The following AQP4 variants were observed in gnomAD, a reference collection of about 807,000 sequenced individuals.
AQP4 encodes the protein aquaporin-4.
Under a neutral mutation model 27.8 loss-of-function variants are expected in AQP4, and 18 were observed. The ratio of observed to expected loss-of-function variants is 0.65; its 90% CI spans 0.45 to 0.96. The LOEUF (loss-of-function observed/expected upper bound fraction) is 0.96, where lower values mean the gene tolerates loss of function less well. Among genes scored for constraint, AQP4 ranks in the 40% least tolerant of loss-of-function variants. The pLI, the probability that AQP4 is intolerant of heterozygous loss-of-function variation, is 0.00. For missense variants in AQP4, 412 were observed against 408.2 expected, an observed-to-expected ratio of 1.01 and a Z score of -0.08; for synonymous variants, 141 against 142.9, an observed-to-expected ratio of 0.99 and a Z score of 0.10.
intron 1 of AQP4, among the ~76,000 whole-genome samples, chr18:26,864,848 G>T (rs943605723): frequency 6.6e-6 from 1 of 151,966 alleles, no homozygotes; most frequent in Non-Finnish European, 1.5e-5. Flanking sequence ...GGCCAGCCCC[G>T]CTGCTCACCC....
At chr18:26,862,692 G>T (rs2054976603) in intron 1 of AQP4, 96 bp from the exon 2 acceptor site, 1 of 1,548,624 alleles carries the variant, frequency 6.5e-7, no homozygotes, top group Non-Finnish European at 8.9e-7. Context: ...GGTACTGTGG[G>T]CAGGGGCTGC....
Position 26,852,468 on chromosome 18 carries a change from A to G in AQP4, c.*3743T>C, listed in dbSNP as rs1422455463. On this transcript the variant is annotated 3_prime_UTR_variant, in exon 5 of 5. Transcript: ENST00000383168. ...TGAGTCACACTGTAACTGCTCTTAA[A>G]TTTAGTGTTCATTGCACATAACATT... The G allele has an allele frequency of 1.6e-5, 3 of 183,220 alleles. No homozygotes were observed. The highest frequency in any genetic ancestry group is 4.7e-5 in the African/African-American group (2 of 42,934). The allele number at this position is 183,220 out of a possible 1,614,324, so 11.3% of individuals were successfully genotyped here.
chr18:26,859,027 A>G (rs1369189709), intron 4 of AQP4, among the ~76,000 whole-genome samples: 2 of 152,242 alleles, frequency 1.3e-5, no homozygotes, highest in African/African-American at 2.4e-5. Flanking sequence ...GTATAATATA[A>G]CATGGGGCAA....
In AQP4 at chr18:26,854,290, T is replaced by C. The variant is rs2054803704; in HGVS notation, c.*1921A>G. ...CTTATTTTTAAACTGACATGTTTGC[T>C]GACGGTTGATATTACCTTTTGAACT... On this transcript the variant is annotated 3_prime_UTR_variant, in exon 5 of 5. Transcript: ENST00000383168. 6.6e-6 allele frequency: 1 copy of C among 152,272 alleles called. No individual in the cohort carries two copies. The highest frequency in any genetic ancestry group is 1.5e-5 in the Non-Finnish European group (1 of 68,050). The allele number at this position is 152,272 out of a possible 1,614,324, so 9.4% of individuals were successfully genotyped here. A position where few individuals can be genotyped will look rare whatever the true frequency, so the allele number is the denominator to read the frequency against.
chr18:26,861,668 A>T (rs1161057316), intron 2 of AQP4, among the ~76,000 whole-genome samples: 1 of 152,194 alleles, frequency 6.6e-6, no homozygotes, highest in Non-Finnish European at 1.5e-5. Flanking sequence ...TAATTAATAT[A>T]TATTTCAATT....
Position 26,860,189 on chromosome 18 carries a change from C to T in AQP4, c.693+583G>A, listed in dbSNP as rs151272999. Among the ~76,000 whole-genome samples the T allele has an allele frequency of 3.1e-3, 477 of 152,172 alleles. 3 individuals carry two copies. The highest frequency in any genetic ancestry group is 9.5e-3 in the South Asian group (46 of 4,818). Reference sequence around the variant, plus strand: ...CTTTTCTGTGAGTCATTTATTTTTCCGGTAACAGTTATGGTGATAATAACA... The same window carrying T: ...CTTTTCTGTGAGTCATTTATTTTTCTGGTAACAGTTATGGTGATAATAACA... On this transcript the variant is annotated intron_variant, in intron 4 of 4. Coordinates refer to ENST00000383168, the MANE Select transcript of AQP4 (RefSeq NM_001650.7).
Position 26,862,498 on chromosome 18 carries a change from G to C in AQP4, c.131C>G (p.Ala44Gly). The C allele has an allele frequency of 6.2e-7, 1 of 1,614,184 alleles. No individual in the cohort carries two copies. Among genetic ancestry groups the C allele is most frequent in the Non-Finnish European group, 8.5e-7 (1 of 1,180,028 alleles). ...GCTGAGGAGAACAAAAATAAGCATGGCCAGAAATTCCGCTGTGACTGCTTT... is the reference window on the plus strand; with the variant it reads ...GCTGAGGAGAACAAAAATAAGCATGCCCAGAAATTCCGCTGTGACTGCTTT... ...FWKAVTAEFL[A>G]MLIFVLLSLG... Residue 44 changes from alanine (A) to glycine (G), a missense_variant, in exon 2 of 5, where the codon GCC becomes GGC. Transcript: ENST00000383168.
intron 1 of AQP4, chr18:26,863,328 C>G (rs1458636266): frequency 6.6e-6 from 1 of 152,498 alleles, no homozygotes; most frequent in Admixed American, 6.5e-5. Flanking sequence ...GAGCGCGGCA[C>G]GGGGACGTGT....
At chr18:26,865,242 CA>C (rs2055038107) in intron 1 of AQP4, 4 of 319,236 alleles carry the variant, frequency 1.3e-5, no homozygotes, top group Non-Finnish European at 2.4e-5. Context: ...ATGATCAACA[CA>C]ATTAGATTTG....
upstream of AQP4, chr18:26,865,777 G>C (rs2055051256): frequency 3.3e-6 from 5 of 1,520,944 alleles, no homozygotes; most frequent in Non-Finnish European, 1.8e-6. Flanking sequence ...TGTCTGATTG[G>C]GTTTTTGGAG....
chr18:26,855,791 G>T lies in AQP4; in HGVS notation c.*420C>A. The T allele has an allele frequency of 4.0e-6, 1 of 247,394 alleles. No homozygotes were observed. 15.3% of individuals were successfully genotyped at this position (247,394 alleles called of 1,614,324 possible). On this transcript the variant is annotated 3_prime_UTR_variant, in exon 5 of 5. Transcript: ENST00000383168. ...GCATGACTGTGACATACTGTATTTT[G>T]CCATTGTTAAACTCAGTTTAATAGA...
intron 2 of AQP4, 100 bp downstream of exon 2, chr18:26,862,082 T>G: frequency 7.4e-7 from 1 of 1,347,514 alleles, no homozygotes; most frequent in Non-Finnish European, 1.1e-6. Context: ...AGGAGTAAAT[T>G]AGCTATTTTA....
chr18:26,863,445 C>G (rs989517996), intron 1 of AQP4, among the ~76,000 whole-genome samples: 7 of 152,088 alleles, frequency 4.6e-5, no homozygotes. Context: ...CACGCAGAAG[C>G]GGCCCCGCGA....
chr18:26,865,587 A>G, intron 1 of AQP4, 71 bp downstream of exon 1: 1 of 1,603,230 alleles, frequency 6.2e-7, no homozygotes, highest in Non-Finnish European at 8.5e-7. Context: ...AGGCACAAAC[A>G]TCTATAATAA....
intron 4 of AQP4, 132 bp downstream of exon 4, chr18:26,860,640 A>T (rs1020116845): frequency 3.7e-6 from 3 of 808,124 alleles, no homozygotes; most frequent in Non-Finnish European, 6.5e-6. Context: ...TTTATGAAAG[A>T]TGTAATAAAG....
rs1241480018 is a variant in AQP4, at chr18:26,854,070, G to A, written c.*2141C>T. 1.3e-5 allele frequency: 2 copies of A among 152,044 alleles called. No homozygotes were observed. Among genetic ancestry groups the A allele is most frequent in the African/African-American group, 2.4e-5 (1 of 41,398 alleles). The allele number at this position is 152,044 out of a possible 1,614,324, so 9.4% of individuals were successfully genotyped here. ...ATACATACTATGTGCCAGGCTCTCTGCTAGCTACTAGAAAACAAATTACAA... is the reference window on the plus strand; with the variant it reads ...ATACATACTATGTGCCAGGCTCTCTACTAGCTACTAGAAAACAAATTACAA... On this transcript the variant is annotated 3_prime_UTR_variant, in exon 5 of 5. Transcript: ENST00000383168.
At chr18:26,861,446 C>A (rs1369082676) in intron 2 of AQP4, 151 bp from the exon 3 acceptor site, 76 of 750,006 alleles carry the variant, frequency 1.0e-4, no homozygotes, top group Non-Finnish European at 8.9e-6. Context: ...CTTCTCTCAC[C>A]CCCCAAAAAG....
rs770057478 is a variant in AQP4, at chr18:26,856,286, C to T, written c.897G>A (p.Val299=). The change falls in exon 5 of 5, where the codon GTG becomes GTA. Residue 299 remains valine (V), a synonymous_variant. Coordinates refer to ENST00000383168, the MANE Select transcript of AQP4 (RefSeq NM_001650.7). Reference sequence around the variant, plus strand: ...CTCCCCGGTCAACGTCAATCACATGCACCACTCCAGGTTTTAGAATCAGGT... The same window carrying T: ...CTCCCCGGTCAACGTCAATCACATGTACCACTCCAGGTTTTAGAATCAGGT... ...TDDLILKPGV[V]HVIDVDRGEE... The T allele has an allele frequency of 6.2e-7, 1 of 1,614,188 alleles. No individual in the cohort carries two copies. The highest frequency in any genetic ancestry group is 8.5e-7 in the Non-Finnish European group (1 of 1,180,032).
chr18:26,855,948 G>T lies in AQP4; in HGVS notation c.*263C>A. 1 of 445,662 alleles carries T rather than the reference G, an allele frequency of 2.2e-6. No individual in the cohort carries two copies. Among genetic ancestry groups the T allele is most frequent in the Non-Finnish European group, 4.1e-6 (1 of 246,612 alleles). 27.6% of individuals were successfully genotyped at this position (445,662 alleles called of 1,614,324 possible). On this transcript the variant is annotated 3_prime_UTR_variant, in exon 5 of 5. Coordinates refer to ENST00000383168, the MANE Select transcript of AQP4 (RefSeq NM_001650.7). ...CACACGGTTAAAATTGGTTGTTAAT[G>T]AAAGGTAACTAGATAAAATAGGTAT...
Sources: allele counts gnomAD v4.1 joint callset (sites outside exome capture counted in the v4.1 genomes callset), GRCh38; gene constraint gnomAD v4.1.1; transcripts MANE v1.5; gene names NCBI Gene and HGNC (gene_info 2026-07-23, HGNC 2026-07-21).